Variants in GRM1 observed in about 807,000 individuals in gnomAD.
GRM1 encodes metabotropic glutamate receptor 1.
Under a neutral mutation model 90.9 loss-of-function variants are expected in GRM1, and 33 were observed. The observed-to-expected ratio is 0.36, with a 90% CI of 0.28 to 0.49. The LOEUF (loss-of-function observed/expected upper bound fraction) is 0.49, where lower values mean the gene tolerates loss of function less well. Ranked by LOEUF, GRM1 falls within the 20% of genes least tolerant of loss-of-function variation. The pLI is 0.99. For synonymous variants in GRM1, 700 were observed against 613.2 expected (o/e 1.14, Z -2.09); for missense variants, 1,190 against 1,534.3 (o/e 0.78, Z 3.75).
At chr6:146,359,379 G>T (rs1307202947) in intron 5 of GRM1, among the ~76,000 whole-genome samples, 1 of 152,160 alleles carries the variant, frequency 6.6e-6, no homozygotes, top group Non-Finnish European at 1.5e-5. Flanking sequence ...CAGAAGCCCT[G>T]AGCACATGCA....
chr6:146,349,510 T>C (rs1213656705), intron 3 of GRM1, among the ~76,000 whole-genome samples: 1 of 152,202 alleles, frequency 6.6e-6, no homozygotes, highest in Non-Finnish European at 1.5e-5. Context: ...TGAGGTCTAC[T>C]CTAACCAATC....
chr6:146,220,749 G>A (rs564412299), intron 2 of GRM1, among the ~76,000 whole-genome samples: 1 of 152,196 alleles, frequency 6.6e-6, no homozygotes, highest in South Asian at 2.1e-4. Flanking sequence ...TTACAGTAAA[G>A]GGGAAGGACA....
At chr6:146,351,364 G>T (rs1335390050) in intron 3 of GRM1, among the ~76,000 whole-genome samples, 2 of 152,184 alleles carry the variant, frequency 1.3e-5, no homozygotes, top group Non-Finnish European at 2.9e-5. Flanking sequence ...TCTGAATTAT[G>T]CCAGTGATGT....
At chr6:146,209,248 C>A (rs1177550449) in intron 2 of GRM1, among the ~76,000 whole-genome samples, 4 of 151,946 alleles carry the variant, frequency 2.6e-5, no homozygotes, top group Admixed American at 6.6e-5. Context: ...GAAAATTGAG[C>A]AAATGCTCCA....
chr6:146,213,825 C>A (rs952248286), intron 2 of GRM1, among the ~76,000 whole-genome samples: 3 of 151,862 alleles, frequency 2.0e-5, no homozygotes, highest in African/African-American at 7.3e-5. Flanking sequence ...AGCTAGAGAC[C>A]CTGGGATGCT....
intron 1 of GRM1, among the ~76,000 whole-genome samples, chr6:146,036,863 T>C (rs569880229): frequency 6.6e-6 from 1 of 152,056 alleles, no homozygotes; most frequent in African/African-American, 2.4e-5. Context: ...ACGTGACTAT[T>C]ATGCATCACA....
chr6:146,389,274 G>A (rs1035297878), intron 6 of GRM1, among the ~76,000 whole-genome samples: 16 of 151,988 alleles, frequency 1.1e-4, no homozygotes, highest in African/African-American at 3.4e-4. Flanking sequence ...CAGAAGTCTT[G>A]GCTTTGAGGT....
intron 1 of GRM1, among the ~76,000 whole-genome samples, chr6:146,113,103 T>A (rs1775621480): frequency 6.6e-6 from 1 of 152,194 alleles, no homozygotes; most frequent in South Asian, 2.1e-4. Flanking sequence ...TTAAAAGTAT[T>A]CTTATTCCTT....
At position 146,175,175 on chromosome 6, in the gene GRM1, C is replaced by T. The variant is rs1429187987; in HGVS notation, c.950+15578C>T. ...GGAGGCAGGATCATCTTAGAGGCTG[C>T]CTATTATGGTGGTAGAAACAGACCC... On this transcript the variant is annotated intron_variant, in intron 2 of 7. Coordinates refer to ENST00000282753, the MANE Select transcript of GRM1 (RefSeq NM_001278064.2). Among the ~76,000 whole-genome samples, 3 of 152,100 alleles carry T rather than the reference C, an allele frequency of 2.0e-5. No individual in the cohort carries two copies. In the East Asian group the frequency reaches 5.8e-4, roughly 29 times the overall value.
At chr6:146,377,740 C>T (rs1430024590) in intron 5 of GRM1, among the ~76,000 whole-genome samples, 1 of 152,152 alleles carries the variant, frequency 6.6e-6, no homozygotes, top group Non-Finnish European at 1.5e-5. Context: ...AGGGCAGCCC[C>T]TCCCATCACA....
chr6:146,368,655 G>A (rs1243027185), intron 5 of GRM1, among the ~76,000 whole-genome samples: 1 of 151,872 alleles, frequency 6.6e-6, no homozygotes, highest in African/African-American at 2.4e-5. Context: ...TCTTCATTAT[G>A]TTGATGTGGT....
intron 2 of GRM1, among the ~76,000 whole-genome samples, chr6:146,247,750 CAA>C (rs770414091): frequency 1.2e-4 from 7 of 57,328 alleles, no homozygotes; most frequent in Non-Finnish European, 1.1e-4. Context: ...GACTCCATCT[CAA>C]AAAAAAAAAA....
At chr6:146,324,997 T>G (rs1346930577) in intron 3 of GRM1, among the ~76,000 whole-genome samples, 1 of 152,186 alleles carries the variant, frequency 6.6e-6, no homozygotes, top group Non-Finnish European at 1.5e-5. Flanking sequence ...CTATCAAGAC[T>G]CCAGTAAATT....
chr6:146,301,420 T>C (rs1199518641), intron 2 of GRM1, among the ~76,000 whole-genome samples: 2 of 152,302 alleles, frequency 1.3e-5, no homozygotes, highest in East Asian at 3.9e-4. Context: ...TTTCTCTCCT[T>C]CTAGAATTGA....
At chr6:146,403,835 A>G (rs1483717077) in intron 7 of GRM1, among the ~76,000 whole-genome samples, 1 of 152,130 alleles carries the variant, frequency 6.6e-6, no homozygotes, top group African/African-American at 2.4e-5. Context: ...TTTAATTGAC[A>G]CATAATAACT....
At chr6:146,179,361 T>C (rs1224569207) in intron 2 of GRM1, among the ~76,000 whole-genome samples, 2 of 152,102 alleles carry the variant, frequency 1.3e-5, no homozygotes, top group Admixed American at 6.5e-5. Flanking sequence ...AGCTAAGCCT[T>C]TGGAGAAGGA....
At chr6:146,133,630 G>T (rs185655643) in intron 1 of GRM1, among the ~76,000 whole-genome samples, 79 of 152,226 alleles carry the variant, frequency 5.2e-4, no homozygotes, top group African/African-American at 1.8e-3. Context: ...TTAAATAATG[G>T]CCATTAGAAC....
intron 2 of GRM1, among the ~76,000 whole-genome samples, chr6:146,252,064 C>T (rs1478927406): frequency 6.6e-6 from 1 of 152,154 alleles, no homozygotes; most frequent in Non-Finnish European, 1.5e-5. Flanking sequence ...AAGAAGTTAT[C>T]ACTATCTAAC....
chr6:146,350,042 A>G (rs1785340871), intron 3 of GRM1, among the ~76,000 whole-genome samples: 1 of 152,236 alleles, frequency 6.6e-6, no homozygotes, highest in Non-Finnish European at 1.5e-5. Flanking sequence ...TTCTCTCTAA[A>G]AAAACGACCC....
Sources: allele counts gnomAD v4.1 joint callset (sites outside exome capture counted in the v4.1 genomes callset), GRCh38; gene constraint gnomAD v4.1.1; transcripts MANE v1.5; gene names NCBI Gene and HGNC (gene_info 2026-07-23, HGNC 2026-07-21).